JMJD1C: variants seen among roughly 807,000 people sequenced by gnomAD.
JMJD1C encodes the protein jumonji domain-containing protein 1C.
In JMJD1C, 31 loss-of-function variants were observed where a neutral mutation model predicts 245.3. The ratio of observed to expected loss-of-function variants is 0.13; its 90% CI spans 0.09 to 0.17. The LOEUF (loss-of-function observed/expected upper bound fraction) is 0.17. Ranked by LOEUF, JMJD1C falls within the 10% of genes least tolerant of loss-of-function variation. The pLI is 1.00. For synonymous variants in JMJD1C, 1,057 were observed against 1,017.4 expected (o/e 1.04, Z -0.74); for missense variants, 2,691 against 3,000.2 (o/e 0.90, Z 2.41).
chr10:63,220,012 A>G lies in JMJD1C; in HGVS notation c.448-29T>C. 4 of 1,505,584 alleles carry G rather than the reference A, an allele frequency of 2.7e-6. No homozygotes were observed. In the South Asian group the frequency reaches 3.4e-5, roughly 13 times the overall value. The allele number at this position is 1,505,584 out of a possible 1,614,324, so 93.3% of individuals were successfully genotyped here. Reference sequence around the variant, plus strand: ...GAATTATAGATTAAAAGAAAGGTCCATGTTACGCTCTCCTACCATTAATGT... The same window carrying G: ...GAATTATAGATTAAAAGAAAGGTCCGTGTTACGCTCTCCTACCATTAATGT... On this transcript the variant is annotated intron_variant, in intron 3 of 25. Transcript: ENST00000399262.
intron 1 of JMJD1C, among the ~76,000 whole-genome samples, chr10:63,475,548 T>C (rs868823230): frequency 3.9e-5 from 6 of 152,280 alleles, no homozygotes; most frequent in Admixed American, 6.5e-5. Context: ...GACAAGAAAG[T>C]AACCTAAGAC....
chr10:63,326,381 A>ACAATAAAT (rs1941504048), intron 2 of JMJD1C, among the ~76,000 whole-genome samples: 1 of 143,278 alleles, frequency 7.0e-6, no homozygotes, highest in Non-Finnish European at 1.5e-5. Context: ...TTCCATCTCA[A>ACAATAAAT]AAATAAATAA....
intron 1 of JMJD1C, among the ~76,000 whole-genome samples, chr10:63,462,639 T>C (rs1457986477): frequency 2.0e-5 from 3 of 152,112 alleles, no homozygotes; most frequent in Non-Finnish European, 1.5e-5. Context: ...AGGAGATGAC[T>C]AGGGAAAAAC....
intron 2 of JMJD1C, among the ~76,000 whole-genome samples, chr10:63,349,100 CAAA>C (rs71463516): frequency 6.3e-4 from 22 of 34,864 alleles, no homozygotes; most frequent in Non-Finnish European, 9.9e-4. Context: ...GACTCTGTCT[CAAA>C]AAAAAAAAAA....
intron 4 of JMJD1C, among the ~76,000 whole-genome samples, chr10:63,218,393 AT>A (rs1452516987): frequency 6.6e-6 from 1 of 152,162 alleles, no homozygotes; most frequent in Non-Finnish European, 1.5e-5. Context: ...AAAAGTGAAG[AT>A]GTTGACTGGC....
chr10:63,469,164 A>T (rs1953411800), upstream of JMJD1C, among the ~76,000 whole-genome samples: 1 of 152,212 alleles, frequency 6.6e-6, no homozygotes, highest in Non-Finnish European at 1.5e-5. Flanking sequence ...CATACATACT[A>T]ATATTTTATG....
At chr10:63,392,869 C>CAA (rs1156332396) in intron 1 of JMJD1C, among the ~76,000 whole-genome samples, 1 of 83,558 alleles carries the variant, frequency 1.2e-5, no homozygotes, top group Non-Finnish European at 2.3e-5. Context: ...AGTACATAAA[C>CAA]ACACACACAC....
intron 3 of JMJD1C, chr10:63,222,629 G>A: frequency 1.3e-6 from 2 of 1,580,962 alleles, no homozygotes; most frequent in Non-Finnish European, 1.7e-6. Flanking sequence ...TGAATTTTTG[G>A]ACATAATTAA....
chr10:63,310,283 T>C (rs1414500340), intron 2 of JMJD1C, among the ~76,000 whole-genome samples: 2 of 152,208 alleles, frequency 1.3e-5, no homozygotes, highest in Admixed American at 1.3e-4. Flanking sequence ...GGTTCCTTCT[T>C]TTATGTATTA....
At chr10:63,377,370 A>ATTGAAAGAG (rs1564851271) in intron 2 of JMJD1C, among the ~76,000 whole-genome samples, 1 of 152,200 alleles carries the variant, frequency 6.6e-6, no homozygotes, top group Admixed American at 6.5e-5. Flanking sequence ...TGACCCGTGT[A>ATTGAAAGAG]CTCAAAAACA....
At chr10:63,484,901 A>G (rs191023827) in intron 1 of JMJD1C, among the ~76,000 whole-genome samples, 5 of 152,028 alleles carry the variant, frequency 3.3e-5, no homozygotes, top group Admixed American at 2.6e-4. Flanking sequence ...CCACTACTGC[A>G]AGGCCCTAGA....
At chr10:63,201,189 TAAGAC>T (rs1845964449) in intron 10 of JMJD1C, among the ~76,000 whole-genome samples, 1 of 152,196 alleles carries the variant, frequency 6.6e-6, no homozygotes, top group Non-Finnish European at 1.5e-5. Context: ...TGTGGCTCAT[TAAGAC>T]AAGTGGTAAT....
rs191098608 is a variant in JMJD1C, at chr10:63,208,898, A to T, written c.2868-97T>A. ...TATCATTCTATTATGAAAGTAAAAG[A>T]CATCTTTGCATGTACTCTAATACTA... is the stretch of plus-strand genomic sequence containing the variant. On this transcript the variant is annotated intron_variant, in intron 9 of 25. Coordinates refer to ENST00000399262, the MANE Select transcript of JMJD1C (RefSeq NM_032776.3). 2.0e-4 allele frequency: 225 copies of T among 1,113,444 alleles called. 1 individual carries two copies. The East Asian group carries it at 4.2e-3, about 21-fold the overall frequency. The allele number at this position is 1,113,444 out of a possible 1,614,324, so 69.0% of individuals were successfully genotyped here. A position where few individuals can be genotyped will look rare whatever the true frequency, so the allele number is the denominator to read the frequency against.
chr10:63,333,243 TCTC>T (rs1210924443), intron 2 of JMJD1C, among the ~76,000 whole-genome samples: 6 of 152,174 alleles, frequency 3.9e-5, no homozygotes, highest in African/African-American at 1.4e-4. Flanking sequence ...CAATATCCAT[TCTC>T]CTATTTCTTG....
At chr10:63,456,450 A>T (rs1463464540) in intron 1 of JMJD1C, among the ~76,000 whole-genome samples, 1 of 152,106 alleles carries the variant, frequency 6.6e-6, no homozygotes, top group African/African-American at 2.4e-5. Context: ...TTAAATATAC[A>T]GTCATTTTAT....
At chr10:63,266,201 T>C (rs1855553967) in intron 2 of JMJD1C, among the ~76,000 whole-genome samples, 1 of 152,092 alleles carries the variant, frequency 6.6e-6, no homozygotes, top group African/African-American at 2.4e-5. Flanking sequence ...GATCAGAAAA[T>C]CTAGTCACAG....
intron 1 of JMJD1C, 83 bp downstream of exon 1, chr10:63,465,412 C>A: frequency 1.5e-6 from 2 of 1,354,584 alleles, no homozygotes; most frequent in Non-Finnish European, 9.9e-7. Context: ...CTGAGCGAGG[C>A]GCCAGAGGGA....
Position 63,213,583 on chromosome 10 carries a change from T to A in JMJD1C, c.2584A>T (p.Ile862Phe), listed in dbSNP as rs376361926. Residue 862 changes from isoleucine to phenylalanine, a missense_variant, in exon 8 of 26, where the codon ATT becomes TTT. Around this residue, in one of 9 missense-constraint regions of JMJD1C, gnomAD observed 1,562 missense variants for 1,490.7 expected, o/e 1.05. Coordinates refer to ENST00000399262, the MANE Select transcript of JMJD1C (RefSeq NM_032776.3). ...ASYNQLGLYP[I>F]IWQYPNGTHA... The stretch of plus-strand genomic sequence containing the variant: ...GTTCCATTTGGATACTGCCAAATAA[T>A]TGGATAAAGTCCAAGCTGATTATAT... 6.2e-7 allele frequency: 1 copy of A among 1,614,144 alleles called. No individual in the cohort carries two copies. Among genetic ancestry groups the A allele is most frequent in the African/African-American group, 1.3e-5 (1 of 75,054 alleles).
At chr10:63,238,390 T>C (rs1437726206) in intron 3 of JMJD1C, among the ~76,000 whole-genome samples, 2 of 151,914 alleles carry the variant, frequency 1.3e-5, no homozygotes, top group Non-Finnish European at 2.9e-5. Context: ...GAACATAAAC[T>C]GAATGAAGCA....
Sources: gnomAD v4.1 joint callset for allele counts (sites outside exome capture counted in the v4.1 genomes callset) on GRCh38, gnomAD v4.1.1 for gene constraint, gnomAD v4.1.1 regional missense constraint, MANE v1.5 for transcripts, NCBI Gene and HGNC (gene_info 2026-07-23, HGNC 2026-07-21) for gene names.